HMCN1: variants seen among roughly 807,000 people sequenced by gnomAD.
The protein encoded by HMCN1 is hemicentin 1.
In HMCN1, 321 loss-of-function variants were observed where a neutral mutation model predicts 625.9. The ratio of observed to expected loss-of-function variants is 0.51; its 90% confidence interval spans 0.47 to 0.56. The LOEUF (loss-of-function observed/expected upper bound fraction) is 0.56. Ranked by LOEUF, HMCN1 falls within the 20% of genes least tolerant of loss-of-function variation. The probability of loss-of-function intolerance (pLI) is 0.00; values close to 1 mark genes in which losing one functional copy is unlikely to be tolerated. For synonymous variants in HMCN1, 2,425 were observed against 2,417.6 expected (o/e 1.00, Z -0.09); for missense variants, 6,588 against 6,887.3 (o/e 0.96, Z 1.54).
intron 40 of HMCN1, among the ~76,000 whole-genome samples, chr1:186,044,482 G>A (rs10798033): frequency 0.61 from 92,599 of 151,930 alleles, 29,174 homozygotes; most frequent in African/African-American, 0.78. Context: ...TCATGGTTAC[G>A]GAGGCACAAT....
intron 97 of HMCN1, among the ~76,000 whole-genome samples, chr1:186,158,739 T>C (rs1046018645): frequency 5.3e-5 from 8 of 152,226 alleles, no homozygotes; most frequent in Non-Finnish European, 1.0e-4. Flanking sequence ...AAAGATCAGA[T>C]AGTTGTAGAT....
At chr1:186,005,343 TATAA>T (rs1192606640) in intron 29 of HMCN1, among the ~76,000 whole-genome samples, 1 of 148,014 alleles carries the variant, frequency 6.8e-6, no homozygotes, top group Non-Finnish European at 1.5e-5. Flanking sequence ...TTTAATTGTT[TATAA>T]ATGTTTATAA....
In HMCN1 at chr1:186,125,458, G is replaced by C. The variant is rs144475868; in HGVS notation, c.12500-146G>C. 4,085 of 659,540 alleles carry C rather than the reference G, an allele frequency of 6.2e-3. 22 individuals carry two copies. The highest frequency in any genetic ancestry group is 8.2e-3 in the Non-Finnish European group (3,008 of 368,738). The allele number at this position is 659,540 out of a possible 1,614,324, so 40.9% of individuals were successfully genotyped here. A position where few individuals can be genotyped will look rare whatever the true frequency, so the allele number is the denominator to read the frequency against. On this transcript the variant is annotated intron_variant, in intron 81 of 106. Transcript: ENST00000271588. ...ATACTGATTTCTTTCATAGCAGGAA[G>C]CAAATCAATATCTTAATAGATTTTC... is the stretch of plus-strand genomic sequence containing the variant.
chr1:186,087,208 TACCTAC>T lies in HMCN1; in HGVS notation c.9047-7_9047-2del. On this transcript the variant is annotated splice_region_variant and splice_polypyrimidine_tract_variant and intron_variant, in intron 58 of 106. Coordinates refer to ENST00000271588, the MANE Select transcript of HMCN1 (RefSeq NM_031935.3). ...ACCACTCTACAATTTGCATTCTATT[TACCTAC>T]AGGTGGTCGAACTCTACAGATTATT... 1 of 1,567,228 alleles carries T rather than the reference TACCTAC, an allele frequency of 6.4e-7. No individual in the cohort carries two copies. The highest frequency in any genetic ancestry group is 8.8e-7 in the Non-Finnish European group (1 of 1,137,776).
chr1:186,018,462 A>G (rs1202157050), intron 34 of HMCN1, 110 bp downstream of exon 34: 2 of 1,146,664 alleles, frequency 1.7e-6, no homozygotes, highest in Non-Finnish European at 2.6e-6. Context: ...GAGTTGTGGA[A>G]GGTAGTGTAA....
At chr1:186,056,204 G>A (rs933939989) in intron 45 of HMCN1, among the ~76,000 whole-genome samples, 4 of 152,052 alleles carry the variant, frequency 2.6e-5, no homozygotes, top group African/African-American at 7.2e-5. Flanking sequence ...AGGAACAATG[G>A]TAAATTTAAT....
At chr1:185,902,420 T>C (rs1665867426) in intron 4 of HMCN1, among the ~76,000 whole-genome samples, 1 of 135,144 alleles carries the variant, frequency 7.4e-6, no homozygotes, top group Non-Finnish European at 1.5e-5. Context: ...TCTATCTATC[T>C]ATCTATCTAT....
At chr1:185,821,785 G>A (rs1188355423) in intron 1 of HMCN1, among the ~76,000 whole-genome samples, 1 of 150,730 alleles carries the variant, frequency 6.6e-6, no homozygotes, top group Non-Finnish European at 1.5e-5. Flanking sequence ...GAGAAAGCTG[G>A]CATGGGGAAT....
chr1:185,913,404 T>G (rs1338294095), intron 6 of HMCN1, among the ~76,000 whole-genome samples: 1 of 152,184 alleles, frequency 6.6e-6, no homozygotes, highest in East Asian at 1.9e-4. Flanking sequence ...TTGCCAAAAA[T>G]ATCACTAGCA....
chr1:185,986,857 T>A (rs1156489010), intron 19 of HMCN1, among the ~76,000 whole-genome samples: 1 of 148,000 alleles, frequency 6.8e-6, no homozygotes, highest in Non-Finnish European at 1.5e-5. Context: ...AATTAATTAA[T>A]TAAATAAATT....
chr1:185,841,530 A>G (rs1046986330), intron 1 of HMCN1, among the ~76,000 whole-genome samples: 1 of 152,274 alleles, frequency 6.6e-6, no homozygotes, highest in Non-Finnish European at 1.5e-5. Flanking sequence ...AAAGAATCTG[A>G]AGGCCTAGGT....
intron 1 of HMCN1, among the ~76,000 whole-genome samples, chr1:185,808,249 C>T (rs192979525): frequency 6.3e-4 from 95 of 151,942 alleles, no homozygotes; most frequent in African/African-American, 2.2e-3. Flanking sequence ...TGGGGCACTG[C>T]GGCACGAGAA....
rs1176380215 is a variant in HMCN1, at chr1:186,103,659, T to C, written c.10761T>C (p.Ser3587=). The part of the protein sequence containing the change: ...TLGGGEVLRI[S]TAQVEDTGRY... ...GAGGAGGAGAGGTTCTTCGAATTTCTACTGCTCAGGTAAGTGTCAAAGTTC... is the reference window on the plus strand; with the variant it reads ...GAGGAGGAGAGGTTCTTCGAATTTCCACTGCTCAGGTAAGTGTCAAAGTTC... Residue 3587 remains serine (S), a synonymous_variant, in exon 69 of 107, where the codon TCT becomes TCC. Transcript: ENST00000271588. The C allele has an allele frequency of 1.9e-6, 3 of 1,613,462 alleles. No homozygotes were observed. Among genetic ancestry groups the C allele is most frequent in the Non-Finnish European group, 2.5e-6 (3 of 1,179,614 alleles).
At chr1:185,967,286 A>C (rs1374334031) in intron 14 of HMCN1, among the ~76,000 whole-genome samples, 2 of 152,100 alleles carry the variant, frequency 1.3e-5, no homozygotes, top group African/African-American at 4.8e-5. Flanking sequence ...CTCCTTAATC[A>C]ATTAGTCTTC....
chr1:185,996,901 T>A (rs192578344), intron 24 of HMCN1, among the ~76,000 whole-genome samples: 2 of 152,238 alleles, frequency 1.3e-5, no homozygotes, highest in East Asian at 3.9e-4. Context: ...AGTAATGATT[T>A]GAATTAGATA....
At position 186,106,935 on chromosome 1, in the gene HMCN1, G is replaced by A. The variant is rs777981424; in HGVS notation, c.10822G>A (p.Asp3608Asn). The A allele has an allele frequency of 1.2e-6, 2 of 1,612,356 alleles. No individual in the cohort carries two copies. The highest frequency in any genetic ancestry group is 1.7e-6 in the Non-Finnish European group (2 of 1,178,512). The change falls in exon 70 of 107, where the codon GAT (aspartate) becomes AAT (asparagine). Residue 3608 changes from aspartate (D) to asparagine (N), a missense_variant. Asp to Asn is a conservative substitution (Grantham distance 23). Coordinates refer to ENST00000271588, the MANE Select transcript of HMCN1 (RefSeq NM_031935.3). ...TCTGGCATCCAGTCCTGCAGGAGAT[G>A]ATGATAAGGAATATCTAGTGAGAGT... is the stretch of plus-strand genomic sequence containing the variant. Reference protein sequence around the residue: ...TCLASSPAGDDDKEYLVRVHV... With the variant: ...TCLASSPAGDNDKEYLVRVHV...
chr1:186,103,419 C>T, intron 68 of HMCN1, 53 bp from the exon 69 acceptor site: 4 of 1,455,810 alleles, frequency 2.7e-6, no homozygotes, highest in Admixed American at 3.4e-5. Flanking sequence ...TTCTAACGAG[C>T]AATATTTTAT....
At chr1:186,147,741 T>C (rs1449707306) in intron 93 of HMCN1, among the ~76,000 whole-genome samples, 1 of 152,190 alleles carries the variant, frequency 6.6e-6, no homozygotes, top group Non-Finnish European at 1.5e-5. Flanking sequence ...AACAGCATCA[T>C]GTCTAAAAAA....
At position 186,166,167 on chromosome 1, in the gene HMCN1, T is replaced by C. The variant is rs1474437618; in HGVS notation, c.15320-17T>C. On this transcript the variant is annotated splice_polypyrimidine_tract_variant and intron_variant, in intron 98 of 106. Transcript: ENST00000271588. ...GATTTTACATACTGATTTGGGCCTT[T>C]TTGTTTCTTCTTTAAGATGAGGATG... 2 of 1,613,890 alleles carry C rather than the reference T, an allele frequency of 1.2e-6. No individual in the cohort carries two copies. Among genetic ancestry groups the C allele is most frequent in the Non-Finnish European group, 8.5e-7 (1 of 1,179,956 alleles).
Sources: allele counts gnomAD v4.1 joint callset (sites outside exome capture counted in the v4.1 genomes callset), GRCh38; gene constraint gnomAD v4.1.1; transcripts MANE v1.5; gene names NCBI Gene and HGNC (gene_info 2026-07-23, HGNC 2026-07-21).